ARHGAP6: variants seen among roughly 807,000 people sequenced by gnomAD.
The protein encoded by ARHGAP6 is rho GTPase-activating protein 6.
Under a neutral mutation model 55.7 loss-of-function variants are expected in ARHGAP6, and 16 were observed. The ratio of observed to expected loss-of-function variants is 0.29; its 90% CI spans 0.19 to 0.44. ARHGAP6 has a LOEUF of 0.44. ARHGAP6 is among the 20% of genes least tolerant of loss of function. ARHGAP6 has a pLI of 1.00. For missense variants in ARHGAP6, 698 were observed against 808.9 expected, an observed-to-expected ratio of 0.86 and a Z score of 1.66; for synonymous variants, 382 against 360.9, an observed-to-expected ratio of 1.06 and a Z score of -0.66.
chrX:11,422,633 C>T (rs1014428163), intron 1 of ARHGAP6, among the ~76,000 whole-genome samples: 2 of 112,216 alleles, frequency 1.8e-5, no homozygotes, highest in Non-Finnish European at 3.8e-5. Context: ...AATCAAGAAC[C>T]CAATGAAGAC....
chrX:11,613,384 T>C (rs1335812981), intron 1 of ARHGAP6, among the ~76,000 whole-genome samples: 1 of 112,184 alleles, frequency 8.9e-6, no homozygotes, highest in Non-Finnish European at 1.9e-5. Flanking sequence ...TACAAAGCAA[T>C]GAGAGATTCT....
At chrX:11,546,118 C>T (rs970671431) in intron 1 of ARHGAP6, among the ~76,000 whole-genome samples, 3 of 110,251 alleles carry the variant, frequency 2.7e-5, no homozygotes, top group Admixed American at 2.0e-4. Context: ...TTTCTGTGAA[C>T]TCCTGAAAAA....
intron 8 of ARHGAP6, among the ~76,000 whole-genome samples, chrX:11,174,956 G>T (rs1296085133): frequency 9.1e-6 from 1 of 110,007 alleles, no homozygotes; most frequent in Non-Finnish European, 1.9e-5. Flanking sequence ...CTCCCAAAGT[G>T]CTGGGATTAC....
chrX:11,564,067 G>A (rs571810457), intron 1 of ARHGAP6, among the ~76,000 whole-genome samples: 6 of 111,116 alleles, frequency 5.4e-5, no homozygotes, highest in African/African-American at 2.0e-4. Flanking sequence ...TCTAAAAAGT[G>A]CTTTTATTCC....
chrX:11,570,543 A>C (rs1480038415), intron 1 of ARHGAP6, among the ~76,000 whole-genome samples: 1 of 110,509 alleles, frequency 9.0e-6, no homozygotes, highest in East Asian at 2.8e-4. Flanking sequence ...TTATAATTTC[A>C]ATCTCTCAGC....
At position 11,137,746 on chromosome X, in the gene ARHGAP6, T is replaced by C. The variant is rs1293318878; in HGVS notation, c.*1117A>G. 6.2e-5 allele frequency: 7 copies of C among 112,333 alleles called. No homozygotes were observed. Among genetic ancestry groups the C allele is most frequent in the African/African-American group, 2.3e-4 (7 of 30,765 alleles). 9.3% of individuals were successfully genotyped at this position (112,333 alleles called of 1,213,427 possible). A position where few individuals can be genotyped will look rare whatever the true frequency, so the allele number is the denominator to read the frequency against. On this transcript the variant is annotated 3_prime_UTR_variant, in exon 13 of 13. Transcript: ENST00000337414. ...ATCGCCATCTGCTGGTCAAAAATAGTTATGCACTTGAAAAACTTCAAACTA... is the reference window on the plus strand; with the variant it reads ...ATCGCCATCTGCTGGTCAAAAATAGCTATGCACTTGAAAAACTTCAAACTA...
At chrX:11,401,367 A>G (rs2049546751) in intron 1 of ARHGAP6, among the ~76,000 whole-genome samples, 1 of 112,087 alleles carries the variant, frequency 8.9e-6, no homozygotes, top group African/African-American at 3.2e-5. Context: ...GATGAAAGAC[A>G]TAATAAACTC....
chrX:11,569,588 G>A (rs189723131), intron 1 of ARHGAP6, among the ~76,000 whole-genome samples: 137 of 111,935 alleles, frequency 1.2e-3, no homozygotes, highest in African/African-American at 3.7e-3. Flanking sequence ...GGACCACTGC[G>A]CATTTCCATC....
intron 2 of ARHGAP6, among the ~76,000 whole-genome samples, chrX:11,252,748 G>C (rs1396598770): frequency 1.8e-5 from 2 of 112,270 alleles, no homozygotes; most frequent in East Asian, 5.6e-4. Context: ...CATTGGCCTT[G>C]TCTATCTCTC....
chrX:11,450,975 C>G (rs1413211350), intron 1 of ARHGAP6, among the ~76,000 whole-genome samples: 1 of 111,489 alleles, frequency 9.0e-6, no homozygotes, highest in Non-Finnish European at 1.9e-5. Context: ...GGAGAATTAC[C>G]AAGAGGGCTG....
At chrX:11,663,430 T>C (rs1279554580) in intron 1 of ARHGAP6, among the ~76,000 whole-genome samples, 1 of 112,132 alleles carries the variant, frequency 8.9e-6, no homozygotes, top group Non-Finnish European at 1.9e-5. Flanking sequence ...TTTAAAACAA[T>C]TACTATTCTC....
intron 1 of ARHGAP6, among the ~76,000 whole-genome samples, chrX:11,564,451 A>G (rs911699324): frequency 2.7e-5 from 3 of 111,138 alleles, no homozygotes; most frequent in African/African-American, 9.8e-5. Context: ...TTTTTATTTG[A>G]CTTATCCAAC....
chrX:11,463,980 C>T (rs1005506358), intron 1 of ARHGAP6, among the ~76,000 whole-genome samples: 4 of 112,237 alleles, frequency 3.6e-5, no homozygotes, highest in Non-Finnish European at 7.5e-5. Context: ...TTGAAGAAAC[C>T]TGGGTCCCAG....
intron 10 of ARHGAP6, among the ~76,000 whole-genome samples, chrX:11,154,672 G>A (rs1369241943): frequency 8.9e-6 from 1 of 111,906 alleles, no homozygotes; most frequent in Non-Finnish European, 1.9e-5. Flanking sequence ...GGAAATGCCA[G>A]CATGTCTCTT....
intron 2 of ARHGAP6, among the ~76,000 whole-genome samples, chrX:11,201,261 C>T (rs1225567506): frequency 8.9e-6 from 1 of 111,973 alleles, no homozygotes; most frequent in East Asian, 2.8e-4. Context: ...TATCTGAATG[C>T]CAATGATCTC....
At chrX:11,327,022 T>C (rs760850898) in intron 1 of ARHGAP6, among the ~76,000 whole-genome samples, 1 of 112,221 alleles carries the variant, frequency 8.9e-6, no homozygotes, top group East Asian at 2.8e-4. Flanking sequence ...CAAATGACTT[T>C]ATAATTTTAC....
chrX:11,568,121 A>C (rs2051467526), intron 1 of ARHGAP6, among the ~76,000 whole-genome samples: 2 of 111,631 alleles, frequency 1.8e-5, no homozygotes, highest in Non-Finnish European at 3.8e-5. Context: ...AAACACTGAG[A>C]GCATTACAAA....
chrX:11,295,380 T>C (rs1279942599), intron 1 of ARHGAP6, among the ~76,000 whole-genome samples: 1 of 111,390 alleles, frequency 9.0e-6, no homozygotes, highest in Non-Finnish European at 1.9e-5. Context: ...TTTGGGTACA[T>C]CTGATGAGTA....
At chrX:11,644,350 C>CT (rs1293449646) in intron 1 of ARHGAP6, among the ~76,000 whole-genome samples, 1 of 111,049 alleles carries the variant, frequency 9.0e-6, no homozygotes, top group African/African-American at 3.3e-5. Context: ...GGATGCCACT[C>CT]TCATCAGAAA....
Sources: allele counts gnomAD v4.1 joint callset (sites outside exome capture counted in the v4.1 genomes callset), GRCh38; gene constraint gnomAD v4.1.1; transcripts MANE v1.5; gene names NCBI Gene and HGNC (gene_info 2026-07-23, HGNC 2026-07-21).